The following SEC14L5 variants were observed in gnomAD, a reference collection of about 807,000 sequenced individuals.
The protein encoded by SEC14L5 is SEC14 like lipid binding 5, also known as SEC14-like protein 5.
Under a neutral mutation model 84.6 loss-of-function variants are expected in SEC14L5, and 96 were observed. The observed-to-expected ratio is 1.13, with a 90% CI of 0.96 to 1.34. SEC14L5 has a LOEUF of 1.34. Among genes scored for constraint, SEC14L5 ranks in the 40% most tolerant of loss-of-function variants. The pLI is 0.00. For synonymous variants in SEC14L5, 546 were observed against 383.4 expected, an observed-to-expected ratio of 1.42 and a Z score of -4.95; for missense variants, 1,224 against 942.5, an observed-to-expected ratio of 1.30 and a Z score of -3.91.
intron 2 of SEC14L5, chr16:4,960,488 A>T (rs906466992): frequency 2.6e-5 from 4 of 152,160 alleles, no homozygotes; most frequent in Admixed American, 2.6e-4. Context: ...GTCCTGTCTT[A>T]TTCTATGAAT....
At chr16:4,990,400 T>C (rs1955540100) in intron 4 of SEC14L5, among the ~76,000 whole-genome samples, 1 of 152,230 alleles carries the variant, frequency 6.6e-6, no homozygotes. Flanking sequence ...TGACCTCAAA[T>C]GATTCGCCCA....
At chr16:5,010,462 C>T (rs1333885856) in intron 14 of SEC14L5, among the ~76,000 whole-genome samples, 1 of 152,158 alleles carries the variant, frequency 6.6e-6, no homozygotes, top group Non-Finnish European at 1.5e-5. Flanking sequence ...AGGAGGCTGG[C>T]ATTGCAGGTG....
Position 4,987,497 on chromosome 16 carries a change from T to TGGAG in SEC14L5, c.64-58_64-57insAGGG, listed in dbSNP as rs59154516. 5.1e-3 allele frequency: 5,864 copies of TGGAG among 1,141,622 alleles called. 31 individuals are homozygous for TGGAG. The highest frequency in any genetic ancestry group is 0.031 in the East Asian group (1,002 of 32,706). The allele number at this position is 1,141,622 out of a possible 1,614,324, so 70.7% of individuals were successfully genotyped here. On this transcript the variant is annotated intron_variant, in intron 2 of 15. Transcript: ENST00000251170. The stretch of plus-strand genomic sequence containing the variant: ...GACACAGCAGATAAGGAGGTCGCGC[T>TGGAG]GGGGGGGGGGGTCCCTCTGCCCCCC...
intron 2 of SEC14L5, among the ~76,000 whole-genome samples, chr16:4,967,609 G>A (rs1955219969): frequency 9.1e-6 from 1 of 110,054 alleles, no homozygotes; most frequent in Non-Finnish European, 1.7e-5. Flanking sequence ...GTGTTGCTCT[G>A]TCGCCCAGAC....
At chr16:5,012,763 G>GGTGTGGTGGC (rs200960833) in intron 15 of SEC14L5, among the ~76,000 whole-genome samples, 39,211 of 151,846 alleles carry the variant, frequency 0.26, 5,309 homozygotes, top group Admixed American at 0.34. Context: ...AAATTAGCCG[G>GGTGTGGTGGC]GCATGCCTAT....
intron 2 of SEC14L5, among the ~76,000 whole-genome samples, chr16:4,966,267 CTTT>C (rs1019686741): frequency 3.8e-5 from 3 of 78,768 alleles, no homozygotes; most frequent in Admixed American, 1.6e-4. Context: ...CGCCCGGCCT[CTTT>C]TTTTTTTTTT....
At chr16:4,990,590 C>G (rs1301241452) in intron 4 of SEC14L5, among the ~76,000 whole-genome samples, 177 bp from the exon 5 acceptor site, 2 of 152,226 alleles carry the variant, frequency 1.3e-5, no homozygotes, top group East Asian at 3.9e-4. Context: ...ACAGTTTGAA[C>G]TTTGCATCGT....
intron 14 of SEC14L5, among the ~76,000 whole-genome samples, chr16:5,009,516 G>A (rs1955775478): frequency 6.6e-6 from 1 of 152,074 alleles, no homozygotes; most frequent in South Asian, 2.1e-4. Flanking sequence ...TAGAGATGGG[G>A]TCTTGCTATG....
chr16:5,003,698 C>T, intron 11 of SEC14L5, 125 bp downstream of exon 11: 1 of 652,308 alleles, frequency 1.5e-6, no homozygotes, highest in Non-Finnish European at 2.6e-6. Context: ...GGAGATGAAA[C>T]TCACATAGCA....
intron 8 of SEC14L5, among the ~76,000 whole-genome samples, chr16:4,997,300 A>G (rs1364398968): frequency 8.5e-5 from 13 of 152,162 alleles, no homozygotes; most frequent in African/African-American, 3.1e-4. Flanking sequence ...AGGTTTTGCC[A>G]TTTTGACCAG....
At chr16:5,001,461 G>C (rs1475253800) in intron 10 of SEC14L5, among the ~76,000 whole-genome samples, 1 of 151,982 alleles carries the variant, frequency 6.6e-6, no homozygotes. Context: ...GGGTTTCACT[G>C]TGTTAGCCAG....
intron 2 of SEC14L5, among the ~76,000 whole-genome samples, chr16:4,959,677 C>G (rs1249989269): frequency 3.3e-5 from 5 of 152,178 alleles, no homozygotes; most frequent in Admixed American, 6.6e-5. Context: ...GGCCAAGCCA[C>G]TGCTGTCATT....
At position 5,007,387 on chromosome 16, in the gene SEC14L5, C is replaced by T. The variant is rs758964775; in HGVS notation, c.1473C>T (p.Ser491=). 1.9e-6 allele frequency: 3 copies of T among 1,613,880 alleles called. No individual in the cohort carries two copies. The highest frequency in any genetic ancestry group is 3.3e-5 in the Admixed American group (2 of 60,022). The change falls in exon 13 of 16, where the codon TCC becomes TCT. Residue 491 remains serine (S), a synonymous_variant. Coordinates refer to ENST00000251170, the MANE Select transcript of SEC14L5 (RefSeq NM_014692.2). ...NVPEGGLVPK[S]LYMTEEEQEH... ...CCGAAGGAGGGCTGGTCCCCAAGTC[C>T]CTCTACATGACAGAAGAGGAGCAGG...
At chr16:5,010,481 C>T (rs1955787371) in intron 14 of SEC14L5, among the ~76,000 whole-genome samples, 2 of 152,178 alleles carry the variant, frequency 1.3e-5, no homozygotes, top group African/African-American at 4.8e-5. Flanking sequence ...TGGAATGTCA[C>T]TCTCTGACTC....
At chr16:4,958,922 G>C (rs1175299090) in intron 1 of SEC14L5, among the ~76,000 whole-genome samples, 1 of 152,076 alleles carries the variant, frequency 6.6e-6, no homozygotes, top group South Asian at 2.1e-4. Flanking sequence ...GGCAAGCTGC[G>C]GGGTGCATGC....
In SEC14L5 at chr16:5,010,085, A is replaced by G. The variant is rs57900151; in HGVS notation, c.1801-1010A>G. Among the ~76,000 whole-genome samples the G allele has an allele frequency of 2.6e-3, 390 of 149,698 alleles. 4 individuals carry two copies. The East Asian group carries it at 0.037, about 14-fold the overall frequency. ...GGGCCGGGTGCGGTGGCTCATGCCT[A>G]TAATCCCAGCACTCTGGGAGGCCGA... On this transcript the variant is annotated intron_variant, in intron 14 of 15. Coordinates refer to ENST00000251170, the MANE Select transcript of SEC14L5 (RefSeq NM_014692.2).
intron 15 of SEC14L5, 102 bp downstream of exon 15, chr16:5,011,375 C>A: frequency 1.7e-6 from 2 of 1,209,040 alleles, no homozygotes; most frequent in South Asian, 1.5e-5. Flanking sequence ...CAGCTTCTCC[C>A]GGGGTGGGAC....
Position 5,005,944 on chromosome 16 carries a change from C to G in SEC14L5, c.1333C>G (p.Arg445Gly), listed in dbSNP as rs767906101. ...CCCCTTCATCAATGAGAACACCAGG[C>G]GGAAGTTCCTCATCTACAGTGGCAG... ...ISPFINENTR[R>G]KFLIYSGSNY... Residue 445 changes from arginine (R) to glycine (G), a missense_variant, in exon 12 of 16, where the codon CGG becomes GGG. Transcript: ENST00000251170. The G allele has an allele frequency of 3.1e-6, 5 of 1,607,996 alleles. No individual in the cohort carries two copies. Among genetic ancestry groups the G allele is most frequent in the Admixed American group, 1.7e-5 (1 of 58,736 alleles).
rs751665236 is a variant in SEC14L5, at chr16:5,005,939, C to G, written c.1328C>G (p.Thr443Ser). ...TLISPFINEN[T>S]RRKFLIYSGS... ...ATCAGCCCCTTCATCAATGAGAACA[C>G]CAGGCGGAAGTTCCTCATCTACAGT... Residue 443 changes from threonine (T) to serine (S), a missense_variant, in exon 12 of 16, where the codon ACC becomes AGC. Thr to Ser is a moderately conservative substitution (Grantham distance 58). Coordinates refer to ENST00000251170, the MANE Select transcript of SEC14L5 (RefSeq NM_014692.2). The G allele has an allele frequency of 5.6e-6, 9 of 1,604,862 alleles. No individual in the cohort carries two copies. Among genetic ancestry groups the G allele is most frequent in the Non-Finnish European group, 7.7e-6 (9 of 1,175,836 alleles).
Sources: gnomAD v4.1 joint callset for allele counts (sites outside exome capture counted in the v4.1 genomes callset) on GRCh38, gnomAD v4.1.1 for gene constraint, MANE v1.5 for transcripts, NCBI Gene and HGNC (gene_info 2026-07-23, HGNC 2026-07-21) for gene names.